Variants in TENM4 observed in about 807,000 individuals in gnomAD.
The protein encoded by TENM4 is teneurin-4.
Under a neutral mutation model 243.3 loss-of-function variants are expected in TENM4, and 82 were observed. The ratio of observed to expected loss-of-function variants is 0.34; its 90% CI spans 0.28 to 0.40. TENM4 has a LOEUF of 0.40. Among genes scored for constraint, TENM4 ranks in the 10% least tolerant of loss-of-function variants. The pLI is 1.00. For missense variants in TENM4, 3,138 were observed against 3,673.3 expected, an observed-to-expected ratio of 0.85 and a Z score of 3.77; for synonymous variants, 1,412 against 1,456.3, an observed-to-expected ratio of 0.97 and a Z score of 0.69.
At chr11:79,192,651 C>T (rs1863540672) in intron 3 of TENM4, among the ~76,000 whole-genome samples, 2 of 152,118 alleles carry the variant, frequency 1.3e-5, no homozygotes, top group Admixed American at 6.5e-5. Context: ...AACCAGAGAC[C>T]TTTGTTCACT....
chr11:79,313,707 C>A (rs1590872361), intron 1 of TENM4, among the ~76,000 whole-genome samples: 1 of 152,192 alleles, frequency 6.6e-6, no homozygotes, highest in African/African-American at 2.4e-5. Flanking sequence ...AACAAATGGC[C>A]TCCATCTATC....
Position 78,781,311 on chromosome 11 carries a change from G to A in TENM4, c.2366-2683C>T, listed in dbSNP as rs74930301. 9.4e-3 allele frequency among the ~76,000 whole-genome samples: 1,437 copies of A among 152,262 alleles called. 26 individuals are homozygous for A. Among genetic ancestry groups the A allele is most frequent in the African/African-American group, 0.033 (1,370 of 41,548 alleles). On this transcript the variant is annotated intron_variant, in intron 16 of 33. Coordinates refer to ENST00000278550, the MANE Select transcript of TENM4 (RefSeq NM_001098816.3). ...TGCATCTTTCTCTTCAGAACTTCAG[G>A]ATGAAGATGATGGCAGTAGGCATCT...
chr11:78,963,503 T>C (rs1857374636), intron 6 of TENM4, among the ~76,000 whole-genome samples: 1 of 152,236 alleles, frequency 6.6e-6, no homozygotes, highest in Admixed American at 6.5e-5. Flanking sequence ...AGAAGGTTTA[T>C]AACATAGTCA....
intron 1 of TENM4, among the ~76,000 whole-genome samples, chr11:79,345,899 T>C (rs1466611412): frequency 6.6e-6 from 1 of 152,222 alleles, no homozygotes; most frequent in Non-Finnish European, 1.5e-5. Context: ...GATGAGACCC[T>C]TACTACTCAA....
intron 6 of TENM4, among the ~76,000 whole-genome samples, chr11:79,040,035 A>C: frequency 7.4e-6 from 1 of 135,080 alleles, no homozygotes; most frequent in East Asian, 2.1e-4. Context: ...AAAATGATTA[A>C]AAAAAAAAAA....
At chr11:78,785,734 G>T (rs146123530) in intron 16 of TENM4, among the ~76,000 whole-genome samples, 177 of 152,160 alleles carry the variant, frequency 1.2e-3, no homozygotes, top group Middle Eastern at 6.8e-3. Flanking sequence ...ATGTTGCAGG[G>T]GCAGGGACCA....
intron 6 of TENM4, among the ~76,000 whole-genome samples, chr11:78,990,039 G>A (rs1024466143): frequency 8.7e-5 from 13 of 149,918 alleles, no homozygotes; most frequent in Non-Finnish European, 1.8e-4. Context: ...ACTCCAGCCT[G>A]GGTGACAGGA....
chr11:79,065,341 T>C (rs1175898662), intron 5 of TENM4, among the ~76,000 whole-genome samples: 1 of 152,176 alleles, frequency 6.6e-6, no homozygotes, highest in Non-Finnish European at 1.5e-5. Flanking sequence ...TACTGCACAG[T>C]AGAGTTGTTT....
intron 23 of TENM4, among the ~76,000 whole-genome samples, chr11:78,724,906 T>C (rs957334001): frequency 2.0e-5 from 3 of 152,148 alleles, no homozygotes; most frequent in Non-Finnish European, 4.4e-5. Context: ...ATCATGACTT[T>C]GGAGATGAAA....
chr11:78,748,834 C>T (rs79441618), intron 19 of TENM4, among the ~76,000 whole-genome samples: 2,919 of 152,228 alleles, frequency 0.019, 102 homozygotes, highest in African/African-American at 0.068. Context: ...TGCTATGAGC[C>T]AGACATCGGG....
At chr11:78,933,174 GC>G (rs945407621) in intron 6 of TENM4, among the ~76,000 whole-genome samples, 76 of 152,280 alleles carry the variant, frequency 5.0e-4, no homozygotes, top group African/African-American at 1.8e-3. Flanking sequence ...GTAAAAGGCT[GC>G]CCAGTGCTTC....
chr11:78,959,548 T>C (rs1244376521), intron 6 of TENM4, among the ~76,000 whole-genome samples: 1 of 152,126 alleles, frequency 6.6e-6, no homozygotes, highest in Admixed American at 6.5e-5. Context: ...CAGAGACTCA[T>C]TGAGCTCTCT....
At chr11:78,766,739 G>T (rs1856547124) in intron 18 of TENM4, among the ~76,000 whole-genome samples, 3 of 139,968 alleles carry the variant, frequency 2.1e-5, no homozygotes, top group Non-Finnish European at 3.0e-5. Flanking sequence ...GTCCTCCTCT[G>T]TTGCCCTGGC....
intron 2 of TENM4, among the ~76,000 whole-genome samples, chr11:79,216,637 G>A (rs1016981179): frequency 7.9e-5 from 12 of 152,142 alleles, no homozygotes; most frequent in African/African-American, 2.7e-4. Context: ...TCAATCATGG[G>A]TTGTTATAAA....
At chr11:79,086,553 G>T (rs1860814336) in intron 4 of TENM4, among the ~76,000 whole-genome samples, 1 of 152,216 alleles carries the variant, frequency 6.6e-6, no homozygotes, top group African/African-American at 2.4e-5. Flanking sequence ...GAGGAACTGG[G>T]TCAGGTCTGG....
Position 78,731,416 on chromosome 11 carries a change from C to T in TENM4, c.3138+900G>A, listed in dbSNP as rs559655811. On this transcript the variant is annotated intron_variant, in intron 21 of 33. Transcript: ENST00000278550. ...GCATCGGAAGCCACTCAACAGGGTA[C>T]GCACGGAAAGGTGTTTGCTCAGCCA... 1.9e-4 allele frequency among the ~76,000 whole-genome samples: 29 copies of T among 152,302 alleles called. No homozygotes were observed. The East Asian group carries it at 1.9e-3, about 10-fold the overall frequency.
chr11:78,852,924 A>AT lies in TENM4; in HGVS notation c.1681+1179dup, dbSNP rs767358890. Among the ~76,000 whole-genome samples, 38 of 150,550 alleles carry AT rather than the reference A, an allele frequency of 2.5e-4. No homozygotes were observed. The South Asian group carries it at 2.7e-3, about 11-fold the overall frequency. On this transcript the variant is annotated intron_variant, in intron 12 of 33. Transcript: ENST00000278550. ...ACCATCGCACCTGGATACTTTTAAT[A>AT]TTTTTTTTTGTAGAAAGGAGGATCT... is the stretch of plus-strand genomic sequence containing the variant.
chr11:79,303,149 C>T (rs1590864937), intron 1 of TENM4, among the ~76,000 whole-genome samples: 1 of 152,322 alleles, frequency 6.6e-6, no homozygotes, highest in East Asian at 1.9e-4. Context: ...CAAGATTCTG[C>T]TTCAAGATTC....
chr11:79,313,245 C>G (rs1856750991), intron 1 of TENM4, among the ~76,000 whole-genome samples: 1 of 152,148 alleles, frequency 6.6e-6, no homozygotes, highest in African/African-American at 2.4e-5. Flanking sequence ...TTAATCCTTT[C>G]ACTTATTTAT....
Sources: allele counts gnomAD v4.1 joint callset (sites outside exome capture counted in the v4.1 genomes callset), GRCh38; gene constraint gnomAD v4.1.1; transcripts MANE v1.5; gene names NCBI Gene and HGNC (gene_info 2026-07-23, HGNC 2026-07-21).